The following NAV3 variants were observed in gnomAD, a reference collection of about 807,000 sequenced individuals.
NAV3 encodes neuron navigator 3, also known as pore membrane and/or filament interacting like protein 1.
A neutral mutation model predicts 244.7 loss-of-function variants in NAV3; 87 were observed. The observed-to-expected ratio is 0.36, with a 90% CI of 0.30 to 0.42. NAV3 has a LOEUF of 0.42. Ranked by LOEUF, NAV3 falls within the 20% of genes least tolerant of loss-of-function variation. NAV3 has a pLI of 1.00. For missense variants in NAV3, 2,663 were observed against 2,893.3 expected, an observed-to-expected ratio of 0.92 and a Z score of 1.83; for synonymous variants, 1,126 against 1,042.2, an observed-to-expected ratio of 1.08 and a Z score of -1.55.
At chr12:77,621,137 T>C (rs1451808060) in intron 2 of NAV3, among the ~76,000 whole-genome samples, 2 of 152,300 alleles carry the variant, frequency 1.3e-5, no homozygotes, top group African/African-American at 4.8e-5. Context: ...ATTAAAATGA[T>C]AAACAAACAA....
intron 12 of NAV3, among the ~76,000 whole-genome samples, chr12:78,081,467 C>T (rs1373595465): frequency 1.3e-5 from 2 of 152,098 alleles, no homozygotes; most frequent in Admixed American, 6.5e-5. Context: ...AGAGATGAGT[C>T]GGGGAGGTGT....
chr12:77,990,617 AC>A (rs1871286730), intron 5 of NAV3, among the ~76,000 whole-genome samples: 1 of 152,246 alleles, frequency 6.6e-6, no homozygotes, highest in Non-Finnish European at 1.5e-5. Flanking sequence ...GCCAGTTTCA[AC>A]AATTCAAAAT....
intron 1 of NAV3, among the ~76,000 whole-genome samples, chr12:77,860,465 A>C (rs1374559491): frequency 6.6e-6 from 1 of 151,592 alleles, no homozygotes; most frequent in African/African-American, 2.4e-5. Flanking sequence ...TATAATGTAT[A>C]TTATTAAAAA....
At chr12:77,974,987 TTC>T (rs1868280383) in intron 5 of NAV3, among the ~76,000 whole-genome samples, 1 of 145,228 alleles carries the variant, frequency 6.9e-6, no homozygotes, top group Non-Finnish European at 1.5e-5. Flanking sequence ...GTTCTCCCTT[TTC>T]TCTCTTTCTC....
At chr12:77,671,077 G>A (rs1873951024) in intron 2 of NAV3, among the ~76,000 whole-genome samples, 1 of 151,980 alleles carries the variant, frequency 6.6e-6, no homozygotes, top group South Asian at 2.1e-4. Flanking sequence ...ACCGGTAAAT[G>A]AATTCAGCAA....
At chr12:78,060,174 A>G (rs1884121307) in intron 12 of NAV3, among the ~76,000 whole-genome samples, 1 of 152,208 alleles carries the variant, frequency 6.6e-6, no homozygotes, top group Non-Finnish European at 1.5e-5. Flanking sequence ...CAGAATTATT[A>G]TATCTAAATA....
chr12:78,080,114 GC>G (rs1395007098), intron 12 of NAV3, among the ~76,000 whole-genome samples: 32 of 151,974 alleles, frequency 2.1e-4, no homozygotes, highest in Non-Finnish European at 7.4e-5. Flanking sequence ...CTTAAACCTG[GC>G]ATTTTAGACA....
chr12:77,847,458 A>G (rs900096344), intron 1 of NAV3, among the ~76,000 whole-genome samples: 4 of 152,172 alleles, frequency 2.6e-5, no homozygotes, highest in African/African-American at 4.8e-5. Context: ...TGTATGATCT[A>G]TGTGAATCAA....
intron 2 of NAV3, among the ~76,000 whole-genome samples, chr12:77,680,658 A>C (rs1874408542): frequency 6.6e-6 from 1 of 152,234 alleles, no homozygotes. Flanking sequence ...AGGAAGAAGA[A>C]TGCTGTCTTC....
In NAV3 at chr12:78,175,623, C is replaced by A. The variant is rs1026664484; in HGVS notation, c.5103+196C>A. 1.3e-5 allele frequency among the ~76,000 whole-genome samples: 2 copies of A among 151,940 alleles called. 1 individual carries two copies. Among genetic ancestry groups the A allele is most frequent in the Non-Finnish European group, 2.9e-5 (2 of 67,946 alleles). On this transcript the variant is annotated intron_variant, in intron 25 of 39. Transcript: ENST00000397909. Reference sequence around the variant, plus strand: ...CATACATTTTAATGTTGGGACTAAACTTGGGTTTGAATCACCACTATATCT... The same window carrying A: ...CATACATTTTAATGTTGGGACTAAAATTGGGTTTGAATCACCACTATATCT...
At chr12:77,898,871 G>A (rs1015764049) in intron 1 of NAV3, among the ~76,000 whole-genome samples, 3 of 152,156 alleles carry the variant, frequency 2.0e-5, no homozygotes, top group African/African-American at 7.2e-5. Flanking sequence ...AGATGTCAAA[G>A]GGCATTCGTG....
chr12:77,969,142 ATGTGTGTGTGTG>A (rs3078729), intron 5 of NAV3, among the ~76,000 whole-genome samples: 3 of 147,684 alleles, frequency 2.0e-5, no homozygotes, highest in Admixed American at 6.7e-5. Flanking sequence ...AGTGTTTTTG[ATGTGTGTGTGTG>A]TGTGTGTGTG....
At chr12:77,926,261 C>T (rs1346373548) in intron 1 of NAV3, among the ~76,000 whole-genome samples, 3 of 152,154 alleles carry the variant, frequency 2.0e-5, no homozygotes, top group Non-Finnish European at 2.9e-5. Flanking sequence ...TATCTTGAAA[C>T]ACCTTTGAGG....
chr12:77,633,168 A>C (rs711121), intron 2 of NAV3, among the ~76,000 whole-genome samples: 47,337 of 151,852 alleles, frequency 0.31, 7,656 homozygotes, highest in Middle Eastern at 0.38. Context: ...ATATTCCTAA[A>C]AGTTGTGTGT....
At chr12:78,121,415 G>A (rs1250430274) in intron 15 of NAV3, among the ~76,000 whole-genome samples, 4 of 151,946 alleles carry the variant, frequency 2.6e-5, no homozygotes, top group Non-Finnish European at 5.9e-5. Context: ...CCAACCAACT[G>A]CTCCCTGACA....
intron 2 of NAV3, among the ~76,000 whole-genome samples, chr12:77,803,856 AT>A (rs1352852515): frequency 6.6e-6 from 1 of 152,044 alleles, no homozygotes; most frequent in Non-Finnish European, 1.5e-5. Flanking sequence ...TGTGGTTTTG[AT>A]TTGCATTTCT....
chr12:77,913,105 A>G (rs1002969422), intron 1 of NAV3, among the ~76,000 whole-genome samples: 1 of 152,018 alleles, frequency 6.6e-6, no homozygotes, highest in African/African-American at 2.4e-5. Flanking sequence ...AAAAATTCTT[A>G]ATGTAGCATA....
intron 5 of NAV3, among the ~76,000 whole-genome samples, chr12:77,977,711 C>T (rs546311142): frequency 1.5e-5 from 2 of 132,478 alleles, no homozygotes; most frequent in East Asian, 2.1e-4. Flanking sequence ...CACACACACG[C>T]GCACACACAC....
Position 77,960,703 on chromosome 12 carries a change from A to G in NAV3, c.415-5526A>G, listed in dbSNP as rs916143334. ...ATATATAGTAATATATAATTAAAGT[A>G]TATGCTATATATTATATATCATACA... is the stretch of plus-strand genomic sequence containing the variant. On this transcript the variant is annotated intron_variant, in intron 3 of 39. Coordinates refer to ENST00000397909, the MANE Select transcript of NAV3 (RefSeq NM_001024383.2). Among the ~76,000 whole-genome samples, 15 of 147,608 alleles carry G rather than the reference A, an allele frequency of 1.0e-4. No individual in the cohort carries two copies. The East Asian group carries it at 3.0e-3, about 29-fold the overall frequency.
Sources: allele counts gnomAD v4.1 joint callset (sites outside exome capture counted in the v4.1 genomes callset), GRCh38; gene constraint gnomAD v4.1.1; transcripts MANE v1.5; gene names NCBI Gene and HGNC (gene_info 2026-07-23, HGNC 2026-07-21).